Variants in RBM45 observed in about 807,000 individuals in gnomAD.
The protein encoded by RBM45 is RNA binding motif protein 45, also known as RNA-binding protein 45.
Under a neutral mutation model 58.5 loss-of-function variants are expected in RBM45, and 39 were observed. That is an observed-to-expected ratio of 0.67 (90% CI 0.52 to 0.87). The LOEUF (loss-of-function observed/expected upper bound fraction) is 0.87, where lower values mean the gene tolerates loss of function less well. Among genes scored for constraint, RBM45 ranks in the 40% least tolerant of loss-of-function variants. RBM45 has a pLI of 0.00. For synonymous variants in RBM45, 193 were observed against 203.0 expected, an observed-to-expected ratio of 0.95 and a Z score of 0.42; for missense variants, 481 against 581.6, an observed-to-expected ratio of 0.83 and a Z score of 1.78.
intron 8 of RBM45, among the ~76,000 whole-genome samples, chr2:178,125,027 G>A (rs1254376722): frequency 6.6e-6 from 1 of 151,802 alleles, no homozygotes; most frequent in Non-Finnish European, 1.5e-5. Context: ...TTTCCCATTT[G>A]CCTTACAAGA....
At chr2:178,136,425 C>T (rs1256165742) in intron 3 of RBM45, 1 of 152,232 alleles carries the variant, frequency 6.6e-6, no homozygotes, top group Non-Finnish European at 1.5e-5. Context: ...TATTGAGAGT[C>T]TTGTCATAAT....
At position 178,112,517 on chromosome 2, in the gene RBM45, A is replaced by G. The variant is rs750799358; in HGVS notation, c.-30A>G. 2.5e-6 allele frequency: 4 copies of G among 1,593,254 alleles called. No homozygotes were observed. The South Asian group carries it at 3.4e-5, about 13-fold the overall frequency. ...GGCAGACACCGCAGAAGCAAAGAGC[A>G]GTGAGGCTCCTGCATTCGGGTGGAG... On this transcript the variant is annotated 5_prime_UTR_variant, in exon 1 of 10. Transcript: ENST00000286070.
At position 178,124,110 on chromosome 2, in the gene RBM45, T is replaced by C. The variant is rs768742152; in HGVS notation, c.1069-17T>C. On this transcript the variant is annotated splice_polypyrimidine_tract_variant and intron_variant, in intron 7 of 9. Coordinates refer to ENST00000286070, the MANE Select transcript of RBM45 (RefSeq NM_152945.4). ...AAGGGCATTTTTTTCTTTTTCTTGT[T>C]TTCTACCTGTTAACAGCAATTTGGA... The C allele has an allele frequency of 3.2e-6, 5 of 1,576,360 alleles. No individual in the cohort carries two copies. Among genetic ancestry groups the C allele is most frequent in the Non-Finnish European group, 4.3e-6 (5 of 1,167,548 alleles).
chr2:178,125,772 G>T (rs1293971213), intron 8 of RBM45: 1 of 692,654 alleles, frequency 1.4e-6, no homozygotes, highest in Non-Finnish European at 2.7e-6. Flanking sequence ...TAGTGAAAAA[G>T]GAGTTAGATT....
chr2:178,122,040 A>C (rs1479433285), intron 5 of RBM45, among the ~76,000 whole-genome samples: 1 of 152,206 alleles, frequency 6.6e-6, no homozygotes, highest in Non-Finnish European at 1.5e-5. Context: ...AGAATCGGGT[A>C]CAAATCCCAG....
chr2:178,133,905 G>C (rs1481509413), downstream of RBM45: 1 of 152,142 alleles, frequency 6.6e-6, no homozygotes. Flanking sequence ...CTGAAGGTAT[G>C]GTATTGATAG....
chr2:178,116,155 CA>C (rs1477254381), intron 1 of RBM45, 106 bp from the exon 2 acceptor site: 2 of 1,382,812 alleles, frequency 1.4e-6, no homozygotes, highest in Admixed American at 2.6e-5. Flanking sequence ...GACCCTGTCT[CA>C]AAGATTAAAA....
intron 2 of RBM45, among the ~76,000 whole-genome samples, chr2:178,116,685 A>G (rs1448185906): frequency 6.6e-6 from 1 of 152,208 alleles, no homozygotes; most frequent in Non-Finnish European, 1.5e-5. Flanking sequence ...AAAGTCACAC[A>G]ACTAGTAGGT....
At chr2:178,135,657 A>G (rs2088039204) in intron 3 of RBM45, among the ~76,000 whole-genome samples, 1 of 152,214 alleles carries the variant, frequency 6.6e-6, no homozygotes, top group Admixed American at 6.5e-5. Context: ...TTGTAGCAGG[A>G]ATTTATCATG....
Position 178,121,396 on chromosome 2 carries a change from G to GTATA in RBM45, c.853+42_853+45dup, listed in dbSNP as rs200695432. 743 of 377,264 alleles carry GTATA rather than the reference G, an allele frequency of 2.0e-3. 17 individuals are homozygous for GTATA. In the South Asian group the frequency reaches 0.025, roughly 13 times the overall value. 23.4% of individuals were successfully genotyped at this position (377,264 alleles called of 1,614,324 possible). ...TTCACATTAAAAAATATATATATAT[G>GTATA]TATATATACACACACACACACACAC... On this transcript the variant is annotated intron_variant, in intron 5 of 9. Transcript: ENST00000286070.
At chr2:178,112,986 CAG>C in intron 1 of RBM45, 140 bp downstream of exon 1, 2 of 898,436 alleles carry the variant, frequency 2.2e-6, no homozygotes, top group South Asian at 1.8e-5. Context: ...GGCTTGGGGA[CAG>C]GGGCTGCTTT....
chr2:178,124,059 CTT>C, intron 7 of RBM45, 66 bp from the exon 8 acceptor site: 1 of 1,523,680 alleles, frequency 6.6e-7, no homozygotes, highest in Non-Finnish European at 8.9e-7. Flanking sequence ...ACATATCTGT[CTT>C]TAGCTCTTGG....
intron 9 of RBM45, among the ~76,000 whole-genome samples, chr2:178,127,353 G>A (rs775504226): frequency 4.6e-5 from 7 of 152,200 alleles, no homozygotes; most frequent in Non-Finnish European, 7.3e-5. Flanking sequence ...TTTGAATTCA[G>A]TTTGAAGTTA....
chr2:178,114,209 A>G (rs1256765469), intron 1 of RBM45, among the ~76,000 whole-genome samples: 1 of 152,208 alleles, frequency 6.6e-6, no homozygotes, highest in Non-Finnish European at 1.5e-5. Context: ...AACAATTATT[A>G]CATCATGGGC....
intron 1 of RBM45, 40 bp from the exon 2 acceptor site, chr2:178,116,222 T>C (rs750202626): frequency 1.2e-5 from 19 of 1,529,676 alleles, no homozygotes; most frequent in Non-Finnish European, 4.4e-6. Flanking sequence ...GGGAAAATAG[T>C]TGACATTATT....
downstream of RBM45, among the ~76,000 whole-genome samples, chr2:178,131,216 T>C (rs1281755536): frequency 6.6e-6 from 1 of 152,252 alleles, no homozygotes; most frequent in African/African-American, 2.4e-5. Context: ...AGTTCAGTTT[T>C]CACAGATTGG....
chr2:178,113,433 G>C (rs374088803), intron 1 of RBM45, among the ~76,000 whole-genome samples: 1 of 152,160 alleles, frequency 6.6e-6, no homozygotes, highest in Non-Finnish European at 1.5e-5. Context: ...TTCACATTTT[G>C]TTATTTTGGA....
chr2:178,127,152 T>C (rs772148082), intron 9 of RBM45, among the ~76,000 whole-genome samples: 88 of 152,184 alleles, frequency 5.8e-4, no homozygotes, highest in Non-Finnish European at 1.1e-3. Context: ...TTCGATCTCC[T>C]GACCTCATGA....
chr2:178,112,634 C>T lies in RBM45; in HGVS notation c.88C>T (p.Leu30Phe), dbSNP rs1485885720. The change falls in exon 1 of 10, where the codon CTT (leucine) becomes TTT (phenylalanine). Residue 30 changes from leucine to phenylalanine, a missense_variant. Coordinates refer to ENST00000286070, the MANE Select transcript of RBM45 (RefSeq NM_152945.4). ...CGAACCGCCCAACAGCCGCATCTTC[C>T]TTGTGATCAGCAAGTACACACCTGA... Reference protein sequence around the residue: ...LDEPPNSRIFLVISKYTPESV... With the variant: ...LDEPPNSRIFFVISKYTPESV... 1 of 1,614,122 alleles carries T rather than the reference C, an allele frequency of 6.2e-7. No homozygotes were observed. Among genetic ancestry groups the T allele is most frequent in the African/African-American group, 1.3e-5 (1 of 74,958 alleles).
Sources: allele counts gnomAD v4.1 joint callset (sites outside exome capture counted in the v4.1 genomes callset), GRCh38; gene constraint gnomAD v4.1.1; transcripts MANE v1.5; gene names NCBI Gene and HGNC (gene_info 2026-07-23, HGNC 2026-07-21).